Variants in FHIP2B observed in about 807,000 individuals in gnomAD.
The protein encoded by FHIP2B is FHF complex subunit HOOK interacting protein 2B, also known as FHF complex subunit HOOK-interacting protein 2B.
A neutral mutation model predicts 84.0 loss-of-function variants in FHIP2B; 72 were observed. The observed-to-expected ratio is 0.86, with a 90% CI of 0.71 to 1.04. The LOEUF is 1.04. FHIP2B is among the 50% of genes least tolerant of loss of function. The probability of loss-of-function intolerance (pLI) is 0.00; values close to 1 mark genes in which losing one functional copy is unlikely to be tolerated. For synonymous variants in FHIP2B, 497 were observed against 418.7 expected (o/e 1.19, Z -2.28); for missense variants, 972 against 968.9 (o/e 1.00, Z -0.04).
At position 22,097,519 on chromosome 8, in the gene FHIP2B, C is replaced by T. The variant is rs1422378434; in HGVS notation, c.301C>T (p.Pro101Ser). 1.2e-6 allele frequency: 2 copies of T among 1,603,322 alleles called. No individual in the cohort carries two copies. Among genetic ancestry groups the T allele is most frequent in the Non-Finnish European group, 1.7e-6 (2 of 1,175,902 alleles). ...GGCGCTCTGTCCCTGGCCTCAGTAC[C>T]CCCCAGGCATGCGGCAGCAGGTGTT... Reference protein sequence around the residue: ...TLCTLGKAEYPPGMRQQVFQF... With the variant: ...TLCTLGKAEYSPGMRQQVFQF... Residue 101 changes from proline to serine, a missense_variant, in exon 4 of 17, where the codon CCC (proline) becomes TCC (serine). By Grantham distance (74) the Pro-to-Ser change is moderately conservative. Transcript: ENST00000289921.
rs1158663856 is a variant in FHIP2B, at chr8:22,098,968, A to C, written c.986A>C (p.Asp329Ala). 27 of 1,606,622 alleles carry C rather than the reference A, an allele frequency of 1.7e-5. No homozygotes were observed. The highest frequency in any genetic ancestry group is 2.1e-5 in the Non-Finnish European group (25 of 1,176,410). The stretch of plus-strand genomic sequence containing the variant: ...TTCAGGTTACCCAGTGCCCCGTCTG[A>C]TGAGGCTTCCTTCCCTGGCAAGGAG... ...ISWRLPSAPS[D>A]EASFPGKEAL... is the part of the protein sequence containing the mutation. The change falls in exon 8 of 17, where the codon GAT becomes GCT. Residue 329 changes from aspartate (D) to alanine (A), a missense_variant. Physicochemically the swap from Asp to Ala is moderately radical, Grantham distance 126. Coordinates refer to ENST00000289921, the MANE Select transcript of FHIP2B (RefSeq NM_022749.7).
chr8:22,097,729 CT>C lies in FHIP2B; in HGVS notation c.417del (p.Gly140ValfsTer41). 6.2e-7 allele frequency: 1 copy of C among 1,613,208 alleles called. No individual in the cohort carries two copies. The highest frequency in any genetic ancestry group is 8.5e-7 in the Non-Finnish European group (1 of 1,179,762). The part of the protein sequence containing the change: ...VHRPVQKLLR[L>X]GGTASGSVTE... ...GGTGCTCTTCCAGAAACTCCTCCGA[CT>C]TGGTGGGACTGCTTCCGGATCCGTT... On this transcript the variant is annotated frameshift_variant, in exon 5 of 17. Transcript: ENST00000289921. LOFTEE classifies it high-confidence loss of function.
intron 1 of FHIP2B, among the ~76,000 whole-genome samples, chr8:22,090,198 C>G (rs1454159246): frequency 6.6e-6 from 1 of 151,384 alleles, no homozygotes; most frequent in African/African-American, 2.4e-5. Flanking sequence ...AAGAAGCTGT[C>G]TGTAAAGTCA....
intron 10 of FHIP2B, 37 bp from the exon 11 acceptor site, chr8:22,100,557 G>A (rs1826046779): frequency 4.0e-6 from 6 of 1,496,676 alleles, no homozygotes; most frequent in African/African-American, 1.4e-5. Context: ...AGCTGGGTGG[G>A]GAAGGGGCTA....
At chr8:22,102,354 G>T (rs751740088) in intron 15 of FHIP2B, 39 bp downstream of exon 15, 47 of 1,606,936 alleles carry the variant, frequency 2.9e-5, no homozygotes, top group Non-Finnish European at 3.1e-5. Context: ...GCCTAGTGAG[G>T]TGGAGGGGAC....
chr8:22,104,099 C>T lies in FHIP2B; in HGVS notation c.*1168C>T, dbSNP rs1428638708. On this transcript the variant is annotated 3_prime_UTR_variant, in exon 17 of 17. Transcript: ENST00000289921. ...AGGCACAGGTTGCCAAGAGGTGACACGAAACAGGAGGAAACTCAGTGACCT... is the reference window on the plus strand; with the variant it reads ...AGGCACAGGTTGCCAAGAGGTGACATGAAACAGGAGGAAACTCAGTGACCT... The T allele has an allele frequency of 1.3e-5, 2 of 152,430 alleles. No homozygotes were observed. The highest frequency in any genetic ancestry group is 2.4e-5 in the African/African-American group (1 of 41,452). The allele number at this position is 152,430 out of a possible 1,614,324, so 9.4% of individuals were successfully genotyped here.
chr8:22,094,338 A>C, intron 1 of FHIP2B, 102 bp from the exon 2 acceptor site: 1 of 1,165,674 alleles, frequency 8.6e-7, no homozygotes, highest in East Asian at 3.0e-5. Context: ...CCTCATGAGG[A>C]GGCCTAGCAT....
At chr8:22,094,608 A>G (rs1367707480) in intron 2 of FHIP2B, 90 bp downstream of exon 2, 6 of 1,583,532 alleles carry the variant, frequency 3.8e-6, no homozygotes, top group African/African-American at 1.4e-5. Context: ...GTCCTGGGAA[A>G]GGTAACCTGC....
rs200710123 is a variant in FHIP2B at position 22,102,223 on chromosome 8, C to T, written c.1900C>T (p.Leu634Phe). 2 of 1,613,370 alleles carry T rather than the reference C, an allele frequency of 1.2e-6. No homozygotes were observed. Among genetic ancestry groups the T allele is most frequent in the Middle Eastern group, 1.6e-4 (1 of 6,084 alleles). The change falls in exon 15 of 17, where the codon CTC (leucine) becomes TTC (phenylalanine). Residue 634 changes from leucine to phenylalanine, a missense_variant. By Grantham distance (22) the Leu-to-Phe change is conservative (BLOSUM62 0). Transcript: ENST00000289921. ...QVTSVLSRLA[L>F]FPHPHIHEYL... ...GACCTCGGTCCTGTCCCGGCTTGCC[C>T]TCTTCCCCCACCCCCATATTCATGA...
At chr8:22,099,981 C>T in intron 10 of FHIP2B, 88 bp downstream of exon 10, 10 of 1,337,544 alleles carry the variant, frequency 7.5e-6, no homozygotes, top group Non-Finnish European at 9.0e-6. Context: ...TTAGTGTTCC[C>T]AGTTGACTCC....
intron 13 of FHIP2B, 56 bp from the exon 14 acceptor site, chr8:22,101,652 T>C (rs1826121675): frequency 1.3e-6 from 2 of 1,568,070 alleles, no homozygotes; most frequent in Non-Finnish European, 1.7e-6. Context: ...CGTGGGGCCC[T>C]GTCTGCTGGT....
chr8:22,100,196 A>G, intron 10 of FHIP2B: 1 of 418,136 alleles, frequency 2.4e-6, no homozygotes, highest in Non-Finnish European at 4.2e-6. Flanking sequence ...AGCCTCCTAA[A>G]GTGCTGGGAC....
At chr8:22,099,097 C>G in intron 8 of FHIP2B, 41 bp downstream of exon 8, 1 of 1,525,370 alleles carries the variant, frequency 6.6e-7, no homozygotes, top group Non-Finnish European at 8.9e-7. Context: ...CATGCTGTTC[C>G]CTGTACCATC....
chr8:22,100,309 C>T (rs146714067), intron 10 of FHIP2B: 3 of 405,698 alleles, frequency 7.4e-6, no homozygotes, highest in Admixed American at 4.4e-5. Flanking sequence ...GTGAGGTAGG[C>T]GAGGTTGATA....
Position 22,100,579 on chromosome 8 carries a change from C to T in FHIP2B, c.1342-15C>T, listed in dbSNP as rs184207779. ...TGGGGAAGGGGCTATCCTGCCGACC[C>T]CCTTCCTGCTCCAGATCAGCATCAC... On this transcript the variant is annotated splice_polypyrimidine_tract_variant and intron_variant, in intron 10 of 16. Transcript: ENST00000289921. The T allele has an allele frequency of 2.8e-5, 42 of 1,525,924 alleles. No individual in the cohort carries two copies. The highest frequency in any genetic ancestry group is 3.4e-5 in the Non-Finnish European group (39 of 1,136,768). The allele number at this position is 1,525,924 out of a possible 1,614,324, so 94.5% of individuals were successfully genotyped here. A position where few individuals can be genotyped will look rare whatever the true frequency, so the allele number is the denominator to read the frequency against.
chr8:22,097,396 A>G, intron 3 of FHIP2B, 120 bp from the exon 4 acceptor site: 1 of 617,578 alleles, frequency 1.6e-6, no homozygotes, highest in Non-Finnish European at 2.9e-6. Flanking sequence ...AGTACCCCCC[A>G]GGCATGCGGC....
Position 22,098,988 on chromosome 8 carries a change from A to G in FHIP2B, c.1006A>G (p.Lys336Glu), listed in dbSNP as rs891965628. 10 of 1,608,414 alleles carry G rather than the reference A, an allele frequency of 6.2e-6. No homozygotes were observed. In the Admixed American group the frequency reaches 1.2e-4, roughly 19 times the overall value. Residue 336 changes from lysine (K) to glutamate (E), a missense_variant, in exon 8 of 17, where the codon AAG (lysine) becomes GAG (glutamate). Transcript: ENST00000289921. ...GTCTGATGAGGCTTCCTTCCCTGGC[A>G]AGGAGGCCTTGGCTGCCTTCTTGGG... is the stretch of plus-strand genomic sequence containing the variant. ...APSDEASFPGKEALAAFLGWF... is the reference protein window; with the variant it reads ...APSDEASFPGEEALAAFLGWF...
chr8:22,089,938 C>T (rs148798267), intron 1 of FHIP2B: 70 of 969,466 alleles, frequency 7.2e-5, no homozygotes, highest in Non-Finnish European at 8.9e-5. Context: ...GTGGCTGTGA[C>T]CCCTCACAAG....
rs59841460 is a variant in FHIP2B at position 22,093,708 on chromosome 8, CTTTTTT to C, written c.46-711_46-706del. On this transcript the variant is annotated intron_variant, in intron 1 of 16. Coordinates refer to ENST00000289921, the MANE Select transcript of FHIP2B (RefSeq NM_022749.7). ...ATTGAGAGGAATGGAAAAGCTTTGTCTTTTTTTTTTTTTTTTTTTTTTTTTTGAGAT... is the reference window on the plus strand; with the variant it reads ...ATTGAGAGGAATGGAAAAGCTTTGTCTTTTTTTTTTTTTTTTTTTTGAGAT... 2.3e-3 allele frequency among the ~76,000 whole-genome samples: 150 copies of C among 66,454 alleles called. 1 individual carries two copies. Among genetic ancestry groups the C allele is most frequent in the Admixed American group, 4.9e-3 (20 of 4,090 alleles). 43.6% of individuals were successfully genotyped at this position (66,454 alleles called of 152,430 possible).
Sources: gnomAD v4.1 joint callset for allele counts (sites outside exome capture counted in the v4.1 genomes callset) on GRCh38, gnomAD v4.1.1 for gene constraint, MANE v1.5 for transcripts, NCBI Gene and HGNC (gene_info 2026-07-23, HGNC 2026-07-21) for gene names.